Variants in LHFPL6 observed in about 807,000 individuals in gnomAD.
The protein encoded by LHFPL6 is LHFPL tetraspan subfamily member 6, also known as LHFPL tetraspan subfamily member 6 protein.
LHFPL6 carries 9 observed loss-of-function variants against 20.6 expected under a neutral mutation model. The observed-to-expected ratio is 0.44, with a 90% CI of 0.26 to 0.76. The LOEUF is 0.76. Among genes scored for constraint, LHFPL6 ranks in the 30% least tolerant of loss-of-function variants. LHFPL6 has a pLI of 0.20. For missense variants in LHFPL6, 218 were observed against 253.5 expected, an observed-to-expected ratio of 0.86 and a Z score of 0.95; for synonymous variants, 105 against 98.7, an observed-to-expected ratio of 1.06 and a Z score of -0.38.
At chr13:39,545,618 A>C (rs1049478217) in intron 2 of LHFPL6, among the ~76,000 whole-genome samples, 1 of 152,096 alleles carries the variant, frequency 6.6e-6, no homozygotes, top group East Asian at 1.9e-4. Flanking sequence ...AGATACCAAA[A>C]TCTGGGGATG....
chr13:39,421,827 C>A (rs752318099), intron 2 of LHFPL6, among the ~76,000 whole-genome samples: 3 of 152,120 alleles, frequency 2.0e-5, no homozygotes, highest in Admixed American at 2.0e-4. Flanking sequence ...ATGAAAAAAT[C>A]TTTTTATATG....
At chr13:39,596,071 G>A (rs1286165428) in intron 2 of LHFPL6, among the ~76,000 whole-genome samples, 2 of 151,966 alleles carry the variant, frequency 1.3e-5, no homozygotes, top group African/African-American at 4.8e-5. Context: ...CCAAAATCTT[G>A]TGTCTGGTAT....
At chr13:39,500,532 G>A (rs6563714) in intron 2 of LHFPL6, among the ~76,000 whole-genome samples, 47,212 of 151,978 alleles carry the variant, frequency 0.31, 7,806 homozygotes, top group Middle Eastern at 0.42. Flanking sequence ...TGGCATTATA[G>A]GCATAAGCCA....
At chr13:39,529,174 C>T (rs1012012526) in intron 2 of LHFPL6, among the ~76,000 whole-genome samples, 3 of 152,078 alleles carry the variant, frequency 2.0e-5, no homozygotes, top group African/African-American at 7.2e-5. Context: ...TCACTGTAAC[C>T]TCCACCTCCC....
At chr13:39,435,830 T>G (rs1275744003) in intron 2 of LHFPL6, among the ~76,000 whole-genome samples, 3 of 152,132 alleles carry the variant, frequency 2.0e-5, no homozygotes, top group African/African-American at 7.2e-5. Flanking sequence ...TTCTTCATAT[T>G]TTCAATCAAA....
intron 2 of LHFPL6, among the ~76,000 whole-genome samples, chr13:39,407,889 G>A (rs984932480): frequency 6.6e-6 from 1 of 152,192 alleles, no homozygotes; most frequent in African/African-American, 2.4e-5. Flanking sequence ...ATAAACAGTA[G>A]TGGATTATCT....
chr13:39,433,123 C>G (rs1871860988), intron 2 of LHFPL6, among the ~76,000 whole-genome samples: 1 of 152,140 alleles, frequency 6.6e-6, no homozygotes. Flanking sequence ...ACTAAGCTGG[C>G]CAGCTAAGCT....
chr13:39,546,968 C>T (rs1408754905), intron 2 of LHFPL6, among the ~76,000 whole-genome samples: 2 of 152,024 alleles, frequency 1.3e-5, no homozygotes, highest in African/African-American at 4.8e-5. Flanking sequence ...CTTATAAGTC[C>T]TTTCAGACTC....
Position 39,352,972 on chromosome 13 carries a change from CAT to C in LHFPL6, c.485-8920_485-8919del, listed in dbSNP as rs374747296. ...ATATATACATACATACACACACACA[CAT>C]ATATATATATATATAATTTTTTTTT... On this transcript the variant is annotated intron_variant, in intron 3 of 3. Transcript: ENST00000379589. Among the ~76,000 whole-genome samples, 19 of 69,124 alleles carry C rather than the reference CAT, an allele frequency of 2.7e-4. 2 individuals carry two copies. Among genetic ancestry groups the C allele is most frequent in the Non-Finnish European group, 4.4e-4 (18 of 40,646 alleles). The allele number at this position is 69,124 out of a possible 152,430, so 45.3% of individuals were successfully genotyped here.
chr13:39,451,850 T>A (rs1048855498), intron 2 of LHFPL6, among the ~76,000 whole-genome samples: 1 of 152,170 alleles, frequency 6.6e-6, no homozygotes, highest in African/African-American at 2.4e-5. Context: ...TAATTCCTGT[T>A]AAATATTGTG....
chr13:39,586,897 C>T (rs1052558320), intron 2 of LHFPL6, among the ~76,000 whole-genome samples: 3 of 152,064 alleles, frequency 2.0e-5, no homozygotes, highest in Admixed American at 2.0e-4. Flanking sequence ...TGGCTCACGC[C>T]TGTAATCCTA....
chr13:39,557,840 C>T (rs1463124968), intron 2 of LHFPL6, among the ~76,000 whole-genome samples: 2 of 152,178 alleles, frequency 1.3e-5, no homozygotes, highest in Non-Finnish European at 2.9e-5. Context: ...CAGCCCCAAC[C>T]CCTTGATGAT....
At chr13:39,348,270 C>A (rs1223762073) in intron 3 of LHFPL6, among the ~76,000 whole-genome samples, 1 of 152,120 alleles carries the variant, frequency 6.6e-6, no homozygotes, top group East Asian at 1.9e-4. Flanking sequence ...TCTGTTCGTG[C>A]TTTGCTCCCA....
intron 3 of LHFPL6, among the ~76,000 whole-genome samples, chr13:39,351,512 G>A (rs768331283): frequency 6.6e-6 from 1 of 151,326 alleles, no homozygotes; most frequent in Non-Finnish European, 1.5e-5. Context: ...TACTTGTCTT[G>A]GCACTTATAT....
intron 2 of LHFPL6, among the ~76,000 whole-genome samples, chr13:39,487,622 T>C (rs1263826439): frequency 6.6e-6 from 1 of 152,242 alleles, no homozygotes; most frequent in Non-Finnish European, 1.5e-5. Flanking sequence ...ATTAATGTAC[T>C]ATATATGGTC....
At chr13:39,448,700 T>G (rs1368026633) in intron 2 of LHFPL6, among the ~76,000 whole-genome samples, 1 of 152,206 alleles carries the variant, frequency 6.6e-6, no homozygotes, top group African/African-American at 2.4e-5. Flanking sequence ...ATGAGAGAAC[T>G]CTAAATTCAG....
chr13:39,346,084 G>C (rs1869392879), intron 3 of LHFPL6, among the ~76,000 whole-genome samples: 1 of 152,266 alleles, frequency 6.6e-6, no homozygotes, highest in African/African-American at 2.4e-5. Flanking sequence ...TTCCAAGACT[G>C]TTAGGTACAA....
At chr13:39,512,184 T>A (rs753256307) in intron 2 of LHFPL6, among the ~76,000 whole-genome samples, 1 of 152,248 alleles carries the variant, frequency 6.6e-6, no homozygotes, top group Non-Finnish European at 1.5e-5. Flanking sequence ...TTCTTCCTGC[T>A]TAACACTGAT....
rs1420308091 is a variant in LHFPL6, at chr13:39,584,535, A to G, written c.385+16297T>C. 2.0e-5 allele frequency among the ~76,000 whole-genome samples: 3 copies of G among 151,692 alleles called. No homozygotes were observed. In the South Asian group the frequency reaches 6.2e-4, roughly 32 times the overall value. ...AGTGAAACTCTGTCTCAAAAAAAAA[A>G]AAAAAAAAACCATTAATTTTTTTCT... is the stretch of plus-strand genomic sequence containing the variant. On this transcript the variant is annotated intron_variant, in intron 2 of 3. Transcript: ENST00000379589.
Sources: gnomAD v4.1 joint callset for allele counts (sites outside exome capture counted in the v4.1 genomes callset) on GRCh38, gnomAD v4.1.1 for gene constraint, MANE v1.5 for transcripts, NCBI Gene and HGNC (gene_info 2026-07-23, HGNC 2026-07-21) for gene names.